TMPRSS2: variants seen among roughly 807,000 people sequenced by gnomAD.
The protein encoded by TMPRSS2 is transmembrane serine protease 2, also known as transmembrane protease serine 2.
In TMPRSS2, 59 loss-of-function variants were observed where a neutral mutation model predicts 67.4. That is an observed-to-expected ratio of 0.88 (90% CI 0.71 to 1.09). The LOEUF (loss-of-function observed/expected upper bound fraction) is 1.09, where lower values mean the gene tolerates loss of function less well. Among genes scored for constraint, TMPRSS2 ranks in the 50% least tolerant of loss-of-function variants. TMPRSS2 has a pLI of 0.00. For missense variants in TMPRSS2, 668 were observed against 642.7 expected, an observed-to-expected ratio of 1.04 and a Z score of -0.43; for synonymous variants, 257 against 257.0, an observed-to-expected ratio of 1.00 and a Z score of 0.00.
chr21:41,466,522 C>T (rs2091085810), intron 13 of TMPRSS2, among the ~76,000 whole-genome samples: 1 of 152,226 alleles, frequency 6.6e-6, no homozygotes. Context: ...TGCGAGTCCG[C>T]CCCTCAGCCT....
At position 41,488,394 on chromosome 21, in the gene TMPRSS2, C is replaced by G; in HGVS notation, c.445G>C (p.Val149Leu). Residue 149 changes from valine to leucine, a missense_variant and splice_region_variant, in exon 5 of 14, where the codon GTT (valine) becomes CTT (leucine). Val to Leu is a conservative substitution (Grantham distance 32). Transcript: ENST00000332149. Reference sequence around the variant, plus strand: ...CTTCCCAAGGTCAAGGCTGACTCACCACACCGATTCTCGTCCTCCCCGCCG... The same window carrying G: ...CTTCCCAAGGTCAAGGCTGACTCACGACACCGATTCTCGTCCTCCCCGCCG... ...CPGGEDENRC[V>L]RLYGPNFILQ... 1 of 1,611,908 alleles carries G rather than the reference C, an allele frequency of 6.2e-7. No homozygotes were observed. The highest frequency in any genetic ancestry group is 8.5e-7 in the Non-Finnish European group (1 of 1,178,844).
rs375827195 is a variant in TMPRSS2 at position 41,493,289 on chromosome 21, A to G, written c.238+1067T>C. ...AAGGGAGAGAAAGGAATTAAGGCTCATGAAGGGGTAGAAAACTCAGAGACA... is the reference window on the plus strand; with the variant it reads ...AAGGGAGAGAAAGGAATTAAGGCTCGTGAAGGGGTAGAAAACTCAGAGACA... On this transcript the variant is annotated intron_variant, in intron 3 of 13. Coordinates refer to ENST00000332149, the MANE Select transcript of TMPRSS2 (RefSeq NM_005656.4). Among the ~76,000 whole-genome samples, 74 of 152,332 alleles carry G rather than the reference A, an allele frequency of 4.9e-4. No homozygotes were observed. In the Middle Eastern group the frequency reaches 0.014, roughly 28 times the overall value.
At chr21:41,476,825 C>A (rs2091217580) in intron 7 of TMPRSS2, among the ~76,000 whole-genome samples, 1 of 152,208 alleles carries the variant, frequency 6.6e-6, no homozygotes, top group Admixed American at 6.5e-5. Context: ...GTACGCGGCT[C>A]ACATCCCCAC....
chr21:41,470,539 A>T, intron 11 of TMPRSS2, 109 bp downstream of exon 11: 1 of 1,025,146 alleles, frequency 9.8e-7, no homozygotes, highest in Non-Finnish European at 1.4e-6. Context: ...AACCAAAGTC[A>T]TCCAGTCATT....
At chr21:41,491,579 G>A (rs2091336762) in intron 3 of TMPRSS2, among the ~76,000 whole-genome samples, 1 of 152,206 alleles carries the variant, frequency 6.6e-6, no homozygotes. Flanking sequence ...GGCCAAGGTA[G>A]TTCATGAGAG....
chr21:41,476,760 A>G, intron 7 of TMPRSS2, 140 bp from the exon 8 acceptor site: 2 of 757,122 alleles, frequency 2.6e-6, no homozygotes, highest in East Asian at 2.6e-5. Flanking sequence ...TACAACTCCA[A>G]TAAGGTAAGT....
At chr21:41,467,596 G>A in intron 13 of TMPRSS2, 138 bp downstream of exon 13, 1 of 948,498 alleles carries the variant, frequency 1.1e-6, no homozygotes, top group Non-Finnish European at 1.6e-6. Flanking sequence ...ATGGGGCTGT[G>A]GCTGGAGGAA....
In TMPRSS2 at chr21:41,465,025, T is replaced by G. The variant is rs1249189593; in HGVS notation, c.*1117A>C. 2 of 233,234 alleles carry G rather than the reference T, an allele frequency of 8.6e-6. No homozygotes were observed. Among genetic ancestry groups the G allele is most frequent in the Non-Finnish European group, 1.7e-5 (2 of 118,058 alleles). 14.4% of individuals were successfully genotyped at this position (233,234 alleles called of 1,614,324 possible). Reference sequence around the variant, plus strand: ...CAGAGAGTCCAAAACAAAACACATCTTTCTCTTCTTCGCCGCCACCATGGG... The same window carrying G: ...CAGAGAGTCCAAAACAAAACACATCGTTCTCTTCTTCGCCGCCACCATGGG... On this transcript the variant is annotated 3_prime_UTR_variant, in exon 14 of 14. Coordinates refer to ENST00000332149, the MANE Select transcript of TMPRSS2 (RefSeq NM_005656.4).
chr21:41,480,655 T>C (rs1664637669), intron 5 of TMPRSS2, 53 bp from the exon 6 acceptor site: 1 of 1,595,854 alleles, frequency 6.3e-7, no homozygotes, highest in Non-Finnish European at 8.5e-7. Flanking sequence ...TTTCTTTTTT[T>C]TGAGACGGAG....
At position 41,471,728 on chromosome 21, in the gene TMPRSS2, C is replaced by T. The variant is rs116511699; in HGVS notation, c.1075+78G>A. 220 of 1,482,842 alleles carry T rather than the reference C, an allele frequency of 1.5e-4. 2 individuals carry two copies. In the African/African-American group the frequency reaches 2.8e-3, roughly 19 times the overall value. The allele number at this position is 1,482,842 out of a possible 1,614,324, so 91.9% of individuals were successfully genotyped here. On this transcript the variant is annotated intron_variant, in intron 10 of 13. Coordinates refer to ENST00000332149, the MANE Select transcript of TMPRSS2 (RefSeq NM_005656.4). ...ACGCAAATGCCTCCCTTCCATTTGG[C>T]ATAGCACAAGTGTCATTTCCAATCA...
chr21:41,478,568 G>A lies in TMPRSS2; in HGVS notation c.683+604C>T, dbSNP rs2091233306. On this transcript the variant is annotated intron_variant, in intron 7 of 13. Coordinates refer to ENST00000332149, the MANE Select transcript of TMPRSS2 (RefSeq NM_005656.4). This position sits in a 1 kb window ranked among gnomAD's most constrained non-coding sequence, Gnocchi z 4.0. ...CTCTTCTGCCCTCCCAGCCAGGTCA[G>A]CCACTCATCATGTGACCTGTGGCTT... Among the ~76,000 whole-genome samples, 1 of 152,198 alleles carries A rather than the reference G, an allele frequency of 6.6e-6. No homozygotes were observed. The highest frequency in any genetic ancestry group is 2.4e-5 in the African/African-American group (1 of 41,452).
intron 8 of TMPRSS2, among the ~76,000 whole-genome samples, chr21:41,475,058 G>A (rs1191013024): frequency 1.6e-3 from 3 of 1,876 alleles, no homozygotes; most frequent in East Asian, 0.015. Flanking sequence ...TGAGGTGGTG[G>A]GTGAGGGGGT....
rs368268847 is a variant in TMPRSS2 at position 41,467,792 on chromosome 21, C to A, written c.1409G>T (p.Arg470Ile). The change falls in exon 13 of 14, where the codon AGA becomes ATA. Residue 470 changes from arginine (R) to isoleucine (I), a missense_variant. Arg to Ile is a moderately conservative substitution (Grantham distance 97). Coordinates refer to ENST00000332149, the MANE Select transcript of TMPRSS2 (RefSeq NM_005656.4). ...SWGSGCAKAY[R>I]PGVYGNVMVF... The stretch of plus-strand genomic sequence containing the variant: ...CATCACATTCCCGTACACTCCTGGT[C>A]TGTAAGCTTTGGCACAGCCAGAACC... 5 of 1,614,120 alleles carry A rather than the reference C, an allele frequency of 3.1e-6. No homozygotes were observed. The African/African-American group carries it at 6.7e-5, about 22-fold the overall frequency.
intron 1 of TMPRSS2, among the ~76,000 whole-genome samples, chr21:41,505,453 ACTGGCATAAGGTACTGCACGCAT>A (rs2091451427): frequency 6.6e-6 from 1 of 152,208 alleles, no homozygotes; most frequent in Non-Finnish European, 1.5e-5. Context: ...GGTGGTGGTT[ACTGGCATAAGGTACTGCACGCAT>A]CTACCTTTTC....
intron 2 of TMPRSS2, 45 bp from the exon 3 acceptor site, chr21:41,494,623 C>T (rs1185694386): frequency 1.3e-6 from 2 of 1,548,616 alleles, no homozygotes; most frequent in East Asian, 4.5e-5. Context: ...CTCTTATTTG[C>T]ACTAAAGGGT....
intron 3 of TMPRSS2, among the ~76,000 whole-genome samples, chr21:41,491,036 T>G (rs1377839738): frequency 6.6e-6 from 1 of 152,268 alleles, no homozygotes; most frequent in East Asian, 1.9e-4. Flanking sequence ...AACATTCTGA[T>G]AATTCTACCA....
chr21:41,491,149 GCATTT>G (rs993624361), intron 3 of TMPRSS2, among the ~76,000 whole-genome samples: 2 of 121,458 alleles, frequency 1.6e-5, no homozygotes, highest in African/African-American at 6.3e-5. Context: ...AATCTGCATT[GCATTT>G]TTTTTTTTTT....
intron 11 of TMPRSS2, among the ~76,000 whole-genome samples, chr21:41,469,123 C>T (rs1237980209): frequency 1.3e-5 from 2 of 152,114 alleles, no homozygotes; most frequent in African/African-American, 4.8e-5. Flanking sequence ...CCTTCTCCCA[C>T]CCCAAATTCT....
chr21:41,479,312 G>A, intron 6 of TMPRSS2, 30 bp from the exon 7 acceptor site: 9 of 1,533,690 alleles, frequency 5.9e-6, no homozygotes, highest in Non-Finnish European at 8.1e-6. Flanking sequence ...TTGTGATAAT[G>A]GTTAAGGCAT....
Sources: gnomAD v4.1 joint callset for allele counts (sites outside exome capture counted in the v4.1 genomes callset) on GRCh38, gnomAD v4.1.1 for gene constraint, Gnocchi (gnomAD v3.1) non-coding constraint, MANE v1.5 for transcripts, NCBI Gene and HGNC (gene_info 2026-07-23, HGNC 2026-07-21) for gene names.